Variants in VSTM5 observed in about 807,000 individuals in gnomAD.
The protein encoded by VSTM5 is V-set and transmembrane domain-containing protein 5.
Under a neutral mutation model 20.3 loss-of-function variants are expected in VSTM5, and 21 were observed. The ratio of observed to expected loss-of-function variants is 1.03; its 90% CI spans 0.73 to 1.49. VSTM5 has a LOEUF of 1.49. Among genes scored for constraint, VSTM5 ranks in the 40% most tolerant of loss-of-function variants. The probability of loss-of-function intolerance (pLI) is 0.00; values close to 1 mark genes in which losing one functional copy is unlikely to be tolerated. For missense variants in VSTM5, 219 were observed against 250.0 expected (o/e 0.88, Z 0.84); for synonymous variants, 100 against 102.5 (o/e 0.98, Z 0.14).
chr11:93,825,904 T>TTATTTCTTC, intron 1 of VSTM5, among the ~76,000 whole-genome samples: 1 of 150,356 alleles, frequency 6.7e-6, no homozygotes, highest in African/African-American at 2.4e-5. Context: ...AGAAAAATAA[T>TTATTTCTTC]AGAAAAGATG....
intron 1 of VSTM5, among the ~76,000 whole-genome samples, chr11:93,837,408 G>A (rs1031282981): frequency 2.0e-5 from 3 of 152,142 alleles, no homozygotes; most frequent in South Asian, 2.1e-4. Flanking sequence ...ATGCTGCTAC[G>A]TATGCCCTCA....
intron 1 of VSTM5, among the ~76,000 whole-genome samples, chr11:93,833,167 T>C (rs1944295410): frequency 6.6e-6 from 1 of 152,250 alleles, no homozygotes; most frequent in Non-Finnish European, 1.5e-5. Context: ...TTGTTTTCCA[T>C]TGATTACATG....
chr11:93,842,103 A>T (rs770626791), intron 1 of VSTM5, among the ~76,000 whole-genome samples: 3 of 152,252 alleles, frequency 2.0e-5, no homozygotes, highest in Non-Finnish European at 2.9e-5. Flanking sequence ...TAAAGAGCTT[A>T]TCAGTCTCTA....
At chr11:93,847,581 C>A (rs1192450732) in intron 1 of VSTM5, among the ~76,000 whole-genome samples, 4 of 152,236 alleles carry the variant, frequency 2.6e-5, no homozygotes, top group Admixed American at 2.6e-4. Context: ...TTGATTCTGG[C>A]CCAGGCCATT....
At chr11:93,848,844 A>C (rs898330410) in intron 1 of VSTM5, among the ~76,000 whole-genome samples, 1 of 152,178 alleles carries the variant, frequency 6.6e-6, no homozygotes, top group Non-Finnish European at 1.5e-5. Flanking sequence ...GTCCCTGAGC[A>C]TGAGGGGTAT....
At position 93,850,495 on chromosome 11, in the gene VSTM5, G is replaced by T; in HGVS notation, c.8C>A (p.Pro3His). 1 of 1,549,540 alleles carries T rather than the reference G, an allele frequency of 6.5e-7. No homozygotes were observed. Among genetic ancestry groups the T allele is most frequent in the Non-Finnish European group, 8.7e-7 (1 of 1,146,402 alleles). Residue 3 changes from proline (P) to histidine (H), a missense_variant, in exon 1 of 4, where the codon CCT becomes CAT. By Grantham distance (77) the Pro-to-His change is moderately conservative (BLOSUM62 -2). Transcript: ENST00000409977. MR[P>H]LPSGRRKTRG... ...GGTCTTCCTCCTCCCGCTGGGCAGA[G>T]GCCTCATGGGCGAGCCCGGGGCCTC...
At chr11:93,823,370 G>A (rs1378975685) in intron 1 of VSTM5, among the ~76,000 whole-genome samples, 1 of 152,000 alleles carries the variant, frequency 6.6e-6, no homozygotes, top group Non-Finnish European at 1.5e-5. Flanking sequence ...AATAAAGATT[G>A]TATACATTCA....
At chr11:93,839,626 T>C (rs1042629173) in intron 1 of VSTM5, among the ~76,000 whole-genome samples, 5 of 152,076 alleles carry the variant, frequency 3.3e-5, no homozygotes, top group African/African-American at 1.2e-4. Context: ...CTTGAGGAAG[T>C]GGGGCAGTGG....
Position 93,824,970 on chromosome 11 carries a change from C to T in VSTM5, c.92-3647G>A, listed in dbSNP as rs77507890. Among the ~76,000 whole-genome samples the T allele has an allele frequency of 8.0e-3, 1,212 of 152,262 alleles. 13 individuals are homozygous for T. The highest frequency in any genetic ancestry group is 0.028 in the African/African-American group (1,146 of 41,546). ...GGCACTTTAGTCAAATATTAGTTGA[C>T]CATATATAAGTGCCTTTGTTTCTGG... is the stretch of plus-strand genomic sequence containing the variant. On this transcript the variant is annotated intron_variant, in intron 1 of 3. Coordinates refer to ENST00000409977, the MANE Select transcript of VSTM5 (RefSeq NM_001144871.2).
chr11:93,846,369 T>C (rs1944410766), intron 1 of VSTM5, among the ~76,000 whole-genome samples: 1 of 152,190 alleles, frequency 6.6e-6, no homozygotes, highest in South Asian at 2.1e-4. Context: ...AAGACATTTG[T>C]GTGACTTTCC....
At chr11:93,827,156 A>G (rs666074) in intron 1 of VSTM5, among the ~76,000 whole-genome samples, 126,212 of 152,102 alleles carry the variant, frequency 0.83, 52,776 homozygotes, top group Admixed American at 0.91. Flanking sequence ...GGCCGAAGCG[A>G]GTGGATCACC....
At chr11:93,838,196 G>A (rs1944339217) in intron 1 of VSTM5, among the ~76,000 whole-genome samples, 1 of 148,302 alleles carries the variant, frequency 6.7e-6, no homozygotes, top group African/African-American at 2.6e-5. Flanking sequence ...AAAAAGTCAG[G>A]CGTGGTGGCT....
At position 93,821,125 on chromosome 11, in the gene VSTM5, ACT is replaced by A. The variant is rs1347308133; in HGVS notation, c.288_289del (p.Arg96SerfsTer5). 11 of 1,551,498 alleles carry A rather than the reference ACT, an allele frequency of 7.1e-6. No homozygotes were observed. Among genetic ancestry groups the A allele is most frequent in the Middle Eastern group, 1.7e-4 (1 of 6,020 alleles). On this transcript the variant is annotated frameshift_variant, in exon 2 of 4. Coordinates refer to ENST00000409977, the MANE Select transcript of VSTM5 (RefSeq NM_001144871.2). LOFTEE classifies it high-confidence loss of function. ...GATGGAGCCGTTGTCAAAGGTGCAG[ACT>A]CTGTCCTTGTGGCTTTGAGAGATGT...
intron 1 of VSTM5, among the ~76,000 whole-genome samples, chr11:93,845,459 T>C (rs1169555998): frequency 2.0e-5 from 3 of 152,210 alleles, no homozygotes; most frequent in Non-Finnish European, 2.9e-5. Context: ...TGTGCTCCTT[T>C]TACTGTCCAG....
intron 1 of VSTM5, among the ~76,000 whole-genome samples, chr11:93,848,795 T>G (rs1426227940): frequency 1.3e-5 from 2 of 152,050 alleles, no homozygotes; most frequent in East Asian, 3.9e-4. Flanking sequence ...AGTCAATGAG[T>G]GAGTGAATGA....
intron 1 of VSTM5, among the ~76,000 whole-genome samples, chr11:93,847,455 C>G (rs1944423167): frequency 6.6e-6 from 1 of 152,226 alleles, no homozygotes; most frequent in Admixed American, 6.5e-5. Flanking sequence ...TCCTCAGCTT[C>G]AGATTCAGCC....
At chr11:93,834,279 C>T (rs1327761013) in intron 1 of VSTM5, among the ~76,000 whole-genome samples, 1 of 152,186 alleles carries the variant, frequency 6.6e-6, no homozygotes, top group East Asian at 1.9e-4. Context: ...TAAATTGACA[C>T]TTCCTTTTCC....
At chr11:93,837,708 C>T (rs1944335052) in intron 1 of VSTM5, among the ~76,000 whole-genome samples, 1 of 152,112 alleles carries the variant, frequency 6.6e-6, no homozygotes, top group East Asian at 1.9e-4. Context: ...GCACAGTGCC[C>T]TCACCCCACA....
intron 1 of VSTM5, among the ~76,000 whole-genome samples, chr11:93,828,283 C>T (rs539062570): frequency 1.3e-5 from 2 of 152,250 alleles, no homozygotes; most frequent in Admixed American, 6.5e-5. Context: ...GGAACCTGAA[C>T]CAAAGGGCTT....
Sources: allele counts gnomAD v4.1 joint callset (sites outside exome capture counted in the v4.1 genomes callset), GRCh38; gene constraint gnomAD v4.1.1; transcripts MANE v1.5; gene names NCBI Gene and HGNC (gene_info 2026-07-23, HGNC 2026-07-21).